TAPBPL: variants seen among roughly 807,000 people sequenced by gnomAD.
The protein encoded by TAPBPL is TAP binding protein like.
In TAPBPL, 32 loss-of-function variants were observed where a neutral mutation model predicts 44.8. The observed-to-expected ratio is 0.71, with a 90% CI of 0.54 to 0.96. The LOEUF is 0.96. Ranked by LOEUF, TAPBPL falls within the 40% of genes least tolerant of loss-of-function variation. The pLI is 0.00. For missense variants in TAPBPL, 520 were observed against 586.6 expected (o/e 0.89, Z 1.17); for synonymous variants, 230 against 240.7 (o/e 0.96, Z 0.41).
downstream of TAPBPL, chr12:6,465,401 A>AATGTATATAT (rs1256998392): frequency 1.5e-5 from 1 of 67,590 alleles, no homozygotes; most frequent in Non-Finnish European, 3.3e-5. Context: ...TATATATATA[A>AATGTATATAT]ATGTATATAT....
At position 6,453,389 on chromosome 12, in the gene TAPBPL, G is replaced by T. The variant is rs995172572; in HGVS notation, c.296-58G>T. ...ATTACAGCCACACATACTGCCTCCCGTTGGCCCTGGTGTTCTCACGCTAAT... is the reference window on the plus strand; with the variant it reads ...ATTACAGCCACACATACTGCCTCCCTTTGGCCCTGGTGTTCTCACGCTAAT... On this transcript the variant is annotated intron_variant, in intron 2 of 6. Coordinates refer to ENST00000266556, the MANE Select transcript of TAPBPL (RefSeq NM_018009.5). The surrounding 1 kb of genome is among the most constrained non-coding windows in gnomAD (Gnocchi z 4.8). The T allele has an allele frequency of 4.4e-6, 7 of 1,608,314 alleles. No individual in the cohort carries two copies. The highest frequency in any genetic ancestry group is 2.7e-5 in the African/African-American group (2 of 74,832).
chr12:6,470,816 C>A, downstream of TAPBPL: 1 of 547,558 alleles, frequency 1.8e-6, no homozygotes, highest in South Asian at 2.3e-5. Context: ...TGCCAATTGC[C>A]AGTCACAACT....
intron 4 of TAPBPL, among the ~76,000 whole-genome samples, 168 bp from the exon 5 acceptor site, chr12:6,458,477 C>T (rs915317686): frequency 3.3e-5 from 5 of 152,202 alleles, no homozygotes; most frequent in African/African-American, 7.2e-5. Context: ...TGCCCCCTTA[C>T]GGCCTGCATC....
downstream of TAPBPL, chr12:6,466,056 G>A: frequency 6.2e-7 from 1 of 1,612,504 alleles, no homozygotes; most frequent in South Asian, 1.1e-5. Flanking sequence ...CAGAGGAAAG[G>A]ACAACAACCA....
At chr12:6,463,457 G>A (rs944207769), downstream of TAPBPL, 2 of 1,039,128 alleles carry the variant, frequency 1.9e-6, no homozygotes, top group Non-Finnish European at 2.3e-6. The surrounding 1 kb of genome is among the most constrained non-coding windows in gnomAD (Gnocchi z 4.0). Context: ...TTCCATGGGT[G>A]TCCAAAGATC....
At chr12:6,464,050 C>G (rs1949943090), downstream of TAPBPL, 1 of 1,297,352 alleles carries the variant, frequency 7.7e-7, no homozygotes, top group South Asian at 1.2e-5. Flanking sequence ...CTTCCCAGCC[C>G]CTCCCTAGCT....
chr12:6,459,471 T>C (rs1949786246), intron 5 of TAPBPL, among the ~76,000 whole-genome samples: 1 of 152,198 alleles, frequency 6.6e-6, no homozygotes, highest in South Asian at 2.1e-4. Flanking sequence ...TTATTGAGCA[T>C]TTACATGAAT....
downstream of TAPBPL, among the ~76,000 whole-genome samples, chr12:6,469,491 T>C (rs1945713897): frequency 1.3e-5 from 2 of 151,956 alleles, no homozygotes; most frequent in African/African-American, 4.8e-5. Flanking sequence ...ACCATAGAAA[T>C]CAAAAAGAAA....
chr12:6,461,242 C>G, intron 6 of TAPBPL: 1 of 1,218,742 alleles, frequency 8.2e-7, no homozygotes, highest in Admixed American at 3.6e-5. Flanking sequence ...GTGGCACCAG[C>G]TCATGGGGCA....
intron 4 of TAPBPL, 53 bp downstream of exon 4, chr12:6,457,797 G>T: frequency 6.8e-7 from 1 of 1,472,160 alleles, no homozygotes; most frequent in South Asian, 1.4e-5. Context: ...TGTCTACTGG[G>T]AGCGTTTCCA....
downstream of TAPBPL, chr12:6,466,560 C>T: frequency 2.1e-6 from 1 of 471,398 alleles, no homozygotes; most frequent in Non-Finnish European, 3.8e-6. Context: ...CATCCTCACC[C>T]CAAACCACTT....
In TAPBPL at chr12:6,462,127, C is replaced by T. The variant is rs376455133; in HGVS notation, c.1385C>T (p.Ala462Val). 40 of 1,609,248 alleles carry T rather than the reference C, an allele frequency of 2.5e-5. No individual in the cohort carries two copies. The highest frequency in any genetic ancestry group is 3.3e-5 in the Admixed American group (2 of 59,830). Residue 462 changes from alanine (A) to valine (V), a missense_variant, in exon 7 of 7, where the codon GCG (alanine) becomes GTG (valine). Transcript: ENST00000266556. ...QSSHLHEDRT[A>V]RVSQPS ...TCCCATCTCCATGAAGACCGCACAGCGCGTGTAAGCCAGCCCAGCTGACCT... is the reference window on the plus strand; with the variant it reads ...TCCCATCTCCATGAAGACCGCACAGTGCGTGTAAGCCAGCCCAGCTGACCT...
At chr12:6,465,430 A>G (rs112488462), downstream of TAPBPL, 596 of 121,816 alleles carry the variant, frequency 4.9e-3, 8 homozygotes, top group East Asian at 0.023. Context: ...ATATATATAA[A>G]TGTATATATA....
Position 6,457,708 on chromosome 12 carries a change from T to A in TAPBPL, c.868T>A (p.Tyr290Asn), listed in dbSNP as rs768225454. ...CATTTGCCAGATCACCACCTCTCTG[T>A]ACCGAGCTCAGCAGATCATCCAGCT... ...TYICQITTSL[Y>N]RAQQIIQLNI... Residue 290 changes from tyrosine (Y) to asparagine (N), a missense_variant, in exon 4 of 7, where the codon TAC becomes AAC. Coordinates refer to ENST00000266556, the MANE Select transcript of TAPBPL (RefSeq NM_018009.5). 22 of 1,604,654 alleles carry A rather than the reference T, an allele frequency of 1.4e-5. No individual in the cohort carries two copies. Among genetic ancestry groups the A allele is most frequent in the Non-Finnish European group, 1.9e-5 (22 of 1,173,358 alleles).
At chr12:6,465,466 A>AGTGTGT (rs72418260), downstream of TAPBPL, 27,488 of 103,034 alleles carry the variant, frequency 0.27, 4,423 homozygotes, top group East Asian at 0.42. Flanking sequence ...GTGTATATAT[A>AGTGTGT]GTGTGTGTGT....
At chr12:6,461,997 G>A (rs1397223600) in intron 6 of TAPBPL, 37 bp from the exon 7 acceptor site, 2 of 1,566,192 alleles carry the variant, frequency 1.3e-6, no homozygotes, top group Non-Finnish European at 1.8e-6. Context: ...AGTGTGAGAT[G>A]CCCACGCAAC....
chr12:6,470,657 C>A, downstream of TAPBPL: 1 of 1,279,898 alleles, frequency 7.8e-7, no homozygotes, highest in East Asian at 2.5e-5. Flanking sequence ...ACCCCGCGGT[C>A]TAGCTGCGCT....
downstream of TAPBPL, chr12:6,464,692 T>C (rs1166135041): frequency 6.7e-7 from 1 of 1,497,122 alleles, no homozygotes; most frequent in Non-Finnish European, 8.8e-7. Context: ...TGCAATGCGT[T>C]GCAGGGGGAA....
rs1307897835 is a variant in TAPBPL, at chr12:6,457,666, C to T, written c.826C>T (p.Gln276Ter). The change falls in exon 4 of 7, where the codon CAG (glutamine) becomes TAG (stop). Residue 276 changes from glutamine to a stop codon, truncating the protein, a stop_gained. Transcript: ENST00000266556. LOFTEE classifies it high-confidence loss of function. ...ASLTLPGLTI[Q>*]DEGTYICQIT... ...CCTCACCCTGCCCGGCCTCACTATA[C>T]AGGACGAGGGGACCTACATTTGCCA... is the stretch of plus-strand genomic sequence containing the variant. The T allele has an allele frequency of 6.2e-7, 1 of 1,614,082 alleles. No individual in the cohort carries two copies. The highest frequency in any genetic ancestry group is 1.7e-5 in the Admixed American group (1 of 60,010).
Sources: allele counts gnomAD v4.1 joint callset (sites outside exome capture counted in the v4.1 genomes callset), GRCh38; gene constraint gnomAD v4.1.1; non-coding constraint Gnocchi (gnomAD v3.1); transcripts MANE v1.5; gene names NCBI Gene and HGNC (gene_info 2026-07-23, HGNC 2026-07-21).